Variants in UFD1 observed in about 807,000 individuals in gnomAD.
The protein encoded by UFD1 is ubiquitin recognition factor in ER-associated degradation protein 1.
A neutral mutation model predicts 45.9 loss-of-function variants in UFD1; 13 were observed. The observed-to-expected ratio is 0.28, with a 90% CI of 0.18 to 0.45. The LOEUF is 0.45. UFD1 is among the 20% of genes least tolerant of loss of function. The pLI is 1.00. For synonymous variants in UFD1, 128 were observed against 139.2 expected (o/e 0.92, Z 0.56); for missense variants, 218 against 389.2 (o/e 0.56, Z 3.70).
At chr22:19,454,108 G>GACGA in intron 11 of UFD1, 1 of 985,758 alleles carries the variant, frequency 1.0e-6, no homozygotes. Flanking sequence ...TCTGTTGGAA[G>GACGA]ACGAAGCCCA....
intron 8 of UFD1, 44 bp downstream of exon 8, chr22:19,456,809 C>T (rs750998255): frequency 6.2e-7 from 1 of 1,614,098 alleles, no homozygotes; most frequent in Admixed American, 1.7e-5. Context: ...AACTCAAAAG[C>T]AGCATGCAGC....
At chr22:19,459,996 C>T (rs2089754358) in intron 6 of UFD1, among the ~76,000 whole-genome samples, 1 of 151,870 alleles carries the variant, frequency 6.6e-6, no homozygotes, top group Admixed American at 6.6e-5. Flanking sequence ...CTCAGCCTCC[C>T]AAAGTGCTGG....
intron 5 of UFD1, chr22:19,467,632 G>A: frequency 2.0e-6 from 1 of 495,062 alleles, no homozygotes; most frequent in South Asian, 2.4e-5. Context: ...TGAAAGAAGG[G>A]CTTCATTGTG....
At chr22:19,468,874 T>G (rs536926806) in intron 4 of UFD1, among the ~76,000 whole-genome samples, 4 of 151,730 alleles carry the variant, frequency 2.6e-5, no homozygotes, top group Non-Finnish European at 5.9e-5. Flanking sequence ...TCATCGGGAG[T>G]GGCAGTGAGA....
At chr22:19,460,267 T>C (rs1469161937) in intron 6 of UFD1, among the ~76,000 whole-genome samples, 1 of 152,202 alleles carries the variant, frequency 6.6e-6, no homozygotes, top group East Asian at 1.9e-4. Context: ...CATTCAAACA[T>C]GTCTCCTAGG....
At chr22:19,471,218 G>A (rs753503199) in intron 4 of UFD1, 1 of 511,548 alleles carries the variant, frequency 2.0e-6, no homozygotes. Flanking sequence ...AAGAGAGCCT[G>A]CTTGTAAGGA....
In UFD1 at chr22:19,450,664, C is replaced by T; in HGVS notation, c.*6G>A. On this transcript the variant is annotated 3_prime_UTR_variant, in exon 12 of 12. Coordinates refer to ENST00000263202, the MANE Select transcript of UFD1 (RefSeq NM_005659.7). ...TATTATTTTCCAATCAGCCAACAGT[C>T]CTCACTTAGGGCTTTCTTCCCTTTT... The T allele has an allele frequency of 1.9e-6, 3 of 1,614,130 alleles. No homozygotes were observed. Among genetic ancestry groups the T allele is most frequent in the Non-Finnish European group, 2.5e-6 (3 of 1,180,014 alleles).
At chr22:19,451,137 A>T (rs983830124) in intron 11 of UFD1, 3 of 990,358 alleles carry the variant, frequency 3.0e-6, no homozygotes, top group Non-Finnish European at 3.6e-6. Flanking sequence ...AAAAAAAAAA[A>T]AAAAAGTCTG....
At chr22:19,474,163 G>A (rs1470381487) in intron 3 of UFD1, among the ~76,000 whole-genome samples, 2 of 152,156 alleles carry the variant, frequency 1.3e-5, no homozygotes, top group African/African-American at 4.8e-5. Flanking sequence ...TAAGAGGCAG[G>A]AGCCCAGCAA....
chr22:19,454,383 G>A, intron 11 of UFD1: 2 of 958,874 alleles, frequency 2.1e-6, no homozygotes, highest in Non-Finnish European at 2.5e-6. Context: ...AACTGAGTCG[G>A]TGGGAGGTAA....
At chr22:19,459,486 G>A (rs1399766282) in intron 6 of UFD1, among the ~76,000 whole-genome samples, 1 of 152,038 alleles carries the variant, frequency 6.6e-6, no homozygotes. Flanking sequence ...GTGGTGGCAG[G>A]TGCCTGTAGT....
At chr22:19,478,921 G>A (rs957714892) in intron 1 of UFD1, 162 bp downstream of exon 1, 1 of 956,898 alleles carries the variant, frequency 1.0e-6, no homozygotes, top group South Asian at 1.8e-5. Context: ...TAGTGGTCAA[G>A]GGTCCTGCTT....
Position 19,474,666 on chromosome 22 carries a change from TC to T in UFD1, c.169+401del, listed in dbSNP as rs377029441. On this transcript the variant is annotated intron_variant, in intron 3 of 11. Transcript: ENST00000263202. ...GCCCTCTTGTGAGCTGACCAATTCTTCCTTTAGGAAAAAAATCTAGTGAGCC... is the reference window on the plus strand; with the variant it reads ...GCCCTCTTGTGAGCTGACCAATTCTTCTTTAGGAAAAAAATCTAGTGAGCC... Among the ~76,000 whole-genome samples the T allele has an allele frequency of 7.5e-3, 1,144 of 152,194 alleles. 16 individuals are homozygous for T. The highest frequency in any genetic ancestry group is 0.026 in the African/African-American group (1,091 of 41,492).
At chr22:19,458,531 C>T (rs796277097) in intron 6 of UFD1, among the ~76,000 whole-genome samples, 4 of 152,328 alleles carry the variant, frequency 2.6e-5, no homozygotes, top group African/African-American at 9.6e-5. Flanking sequence ...GCAACCTCCG[C>T]CTCCAGGGTT....
intron 11 of UFD1, chr22:19,453,147 G>C: frequency 1.0e-6 from 1 of 985,406 alleles, no homozygotes; most frequent in Non-Finnish European, 1.2e-6. Context: ...GGGGGAGGGA[G>C]GGTAATGCAG....
intron 1 of UFD1, 91 bp from the exon 2 acceptor site, chr22:19,475,693 A>T: frequency 1.4e-6 from 2 of 1,432,714 alleles, no homozygotes; most frequent in Non-Finnish European, 9.7e-7. Flanking sequence ...AATGCTACTA[A>T]ACATTGTCAG....
intron 6 of UFD1, among the ~76,000 whole-genome samples, chr22:19,460,481 C>CT (rs993760275): frequency 1.5e-4 from 22 of 151,658 alleles, no homozygotes; most frequent in Non-Finnish European, 2.4e-4. Flanking sequence ...ATATTAAATA[C>CT]TTTTTTTTTA....
chr22:19,465,364 G>T, intron 5 of UFD1, 90 bp from the exon 6 acceptor site: 1 of 1,122,462 alleles, frequency 8.9e-7, no homozygotes, highest in Non-Finnish European at 1.3e-6. Context: ...GGTAGGTAGA[G>T]ACTGTACCAT....
Position 19,479,092 on chromosome 22 carries a change from C to T in UFD1, c.-7G>A. The T allele has an allele frequency of 6.2e-7, 1 of 1,611,512 alleles. No individual in the cohort carries two copies. Among genetic ancestry groups the T allele is most frequent in the Non-Finnish European group, 8.5e-7 (1 of 1,179,332 alleles). On this transcript the variant is annotated 5_prime_UTR_variant, in exon 1 of 12. Transcript: ENST00000263202. ...GCCCGTCAGCGCTTACCATGATGGA[C>T]ACCACCTGGCAGACTCCGCTCCTCT...
Sources: gnomAD v4.1 joint callset for allele counts (sites outside exome capture counted in the v4.1 genomes callset) on GRCh38, gnomAD v4.1.1 for gene constraint, MANE v1.5 for transcripts, NCBI Gene and HGNC (gene_info 2026-07-23, HGNC 2026-07-21) for gene names.